ACO1: variants seen among roughly 807,000 people sequenced by gnomAD.
The protein encoded by ACO1 is aconitase 1, also known as cytoplasmic aconitate hydratase.
In ACO1, 78 loss-of-function variants were observed where a neutral mutation model predicts 105.1. The ratio of observed to expected loss-of-function variants is 0.74; its 90% CI spans 0.62 to 0.90. The LOEUF is 0.90. ACO1 is among the 40% of genes least tolerant of loss of function. ACO1 has a pLI of 0.00. For missense variants in ACO1, 965 were observed against 1,111.1 expected (o/e 0.87, Z 1.87); for synonymous variants, 364 against 397.4 (o/e 0.92, Z 1.00).
chr9:32,390,090 G>A (rs1298226462), intron 1 of ACO1, among the ~76,000 whole-genome samples: 3 of 152,288 alleles, frequency 2.0e-5, no homozygotes, highest in East Asian at 1.9e-4. Context: ...GAGCCACTGC[G>A]CCTGGCTCTT....
intron 4 of ACO1, among the ~76,000 whole-genome samples, chr9:32,416,468 C>A (rs924946398): frequency 1.3e-5 from 2 of 152,124 alleles, no homozygotes; most frequent in African/African-American, 4.8e-5. Context: ...GCCCATCTTG[C>A]TCGGGCTGAC....
At chr9:32,406,518 G>A (rs1821614514) in intron 2 of ACO1, among the ~76,000 whole-genome samples, 1 of 152,168 alleles carries the variant, frequency 6.6e-6, no homozygotes, top group South Asian at 2.1e-4. Context: ...TGGTATTTAG[G>A]AGGCTGAGGT....
chr9:32,414,137 A>G (rs773881058), intron 4 of ACO1, among the ~76,000 whole-genome samples: 4 of 152,196 alleles, frequency 2.6e-5, no homozygotes, highest in Non-Finnish European at 5.9e-5. Context: ...TGGGCGACAG[A>G]GTGAGACTCC....
chr9:32,393,039 A>G (rs1312345140), intron 1 of ACO1, among the ~76,000 whole-genome samples: 1 of 152,172 alleles, frequency 6.6e-6, no homozygotes, highest in Non-Finnish European at 1.5e-5. Flanking sequence ...TGTTAACTGC[A>G]CAAATTGTTT....
At chr9:32,422,604 G>C (rs1303603470) in intron 8 of ACO1, among the ~76,000 whole-genome samples, 2 of 152,156 alleles carry the variant, frequency 1.3e-5, no homozygotes, top group Non-Finnish European at 1.5e-5. Context: ...CCGGGATCTT[G>C]ATAAAAGTTA....
intron 12 of ACO1, among the ~76,000 whole-genome samples, chr9:32,428,702 G>T (rs1334328494): frequency 6.6e-6 from 1 of 152,094 alleles, no homozygotes; most frequent in Non-Finnish European, 1.5e-5. Flanking sequence ...AAATTAGCCG[G>T]GCGTGGTGGC....
chr9:32,440,524 G>T lies in ACO1; in HGVS notation c.2307G>T (p.Leu769=), dbSNP rs757476086. Residue 769 remains leucine (L), a synonymous_variant, in exon 19 of 21, where the codon CTG becomes CTT. Transcript: ENST00000309951. The part of the protein sequence containing the change: ...YQQAGLPLIV[L]AGKEYGAGSS... Reference sequence around the variant, plus strand: ...AGGCAGGCCTTCCCCTGATCGTTCTGGCTGGCAAAGAGTACGGTGCAGGCA... The same window carrying T: ...AGGCAGGCCTTCCCCTGATCGTTCTTGCTGGCAAAGAGTACGGTGCAGGCA... 1.9e-6 allele frequency: 3 copies of T among 1,614,026 alleles called. No individual in the cohort carries two copies. The highest frequency in any genetic ancestry group is 2.2e-5 in the South Asian group (2 of 91,072).
At chr9:32,427,097 T>A (rs1822116329) in intron 11 of ACO1, among the ~76,000 whole-genome samples, 1 of 152,222 alleles carries the variant, frequency 6.6e-6, no homozygotes. Context: ...TTGAGTTTAC[T>A]GCATATATCT....
intron 1 of ACO1, among the ~76,000 whole-genome samples, chr9:32,395,131 C>CT (rs1443067736): frequency 3.1e-4 from 47 of 152,174 alleles, no homozygotes; most frequent in Admixed American, 2.7e-3. Flanking sequence ...CTTTGTAATA[C>CT]TTTTTTTTGA....
chr9:32,395,966 G>T (rs1821364700), intron 1 of ACO1, among the ~76,000 whole-genome samples: 1 of 152,226 alleles, frequency 6.6e-6, no homozygotes, highest in South Asian at 2.1e-4. Flanking sequence ...CCCAGAACTA[G>T]GGGAGCCCTC....
At chr9:32,447,416 AG>A (rs1464209014) in intron 19 of ACO1, among the ~76,000 whole-genome samples, 2 of 139,592 alleles carry the variant, frequency 1.4e-5, no homozygotes, top group African/African-American at 6.7e-5. Context: ...CAGCTCTATC[AG>A]GTCATTTATG....
At chr9:32,444,994 A>G (rs1010468372) in intron 19 of ACO1, among the ~76,000 whole-genome samples, 1 of 152,084 alleles carries the variant, frequency 6.6e-6, no homozygotes, top group African/African-American at 2.4e-5. Flanking sequence ...AAGCTTTTTG[A>G]TATGCTGCTG....
intron 15 of ACO1, 112 bp downstream of exon 15, chr9:32,431,955 C>T: frequency 1.6e-6 from 2 of 1,254,672 alleles, no homozygotes; most frequent in Non-Finnish European, 2.1e-6. Flanking sequence ...TATAAAGTAA[C>T]ATTTATTTCT....
chr9:32,448,942 G>C lies in ACO1; in HGVS notation c.2417G>C (p.Ser806Thr), dbSNP rs758417852. 4 of 1,614,262 alleles carry C rather than the reference G, an allele frequency of 2.5e-6. No homozygotes were observed. In the Admixed American group the frequency reaches 6.7e-5, roughly 27 times the overall value. ...GAGAGCTACGAGCGCATTCACCGCA[G>C]TAACCTGGTTGGGATGGGTGTGATC... ...LAESYERIHR[S>T]NLVGMGVIPL... Residue 806 changes from serine (S) to threonine (T), a missense_variant, in exon 20 of 21, where the codon AGT becomes ACT. Physicochemically the swap from Ser to Thr is moderately conservative, Grantham distance 58. Transcript: ENST00000309951.
chr9:32,421,075 G>A, intron 8 of ACO1, 48 bp downstream of exon 8: 1 of 1,582,000 alleles, frequency 6.3e-7, no homozygotes, highest in Non-Finnish European at 8.7e-7. Context: ...AAAGTTCCAT[G>A]AAACACCAAG....
chr9:32,408,812 G>T (rs947456726), intron 4 of ACO1, among the ~76,000 whole-genome samples, 161 bp downstream of exon 4: 2 of 152,136 alleles, frequency 1.3e-5, no homozygotes, highest in African/African-American at 4.8e-5. Flanking sequence ...GATGTTTTAG[G>T]GGGAAGAGTG....
At chr9:32,388,309 G>A (rs28667096) in intron 1 of ACO1, among the ~76,000 whole-genome samples, 4 of 152,192 alleles carry the variant, frequency 2.6e-5, no homozygotes, top group Non-Finnish European at 4.4e-5. Flanking sequence ...AGTCCAGATC[G>A]CTTGAGCCCA....
At position 32,451,136 on chromosome 9, in the gene ACO1, C is replaced by T. The variant is rs560289003; in HGVS notation, c.*1025C>T. On this transcript the variant is annotated 3_prime_UTR_variant, in exon 21 of 21. Coordinates refer to ENST00000309951, the MANE Select transcript of ACO1 (RefSeq NM_002197.3). ...AAACCAATTATCTGCTCATTTTTAC[C>T]CCTGTAGTCATTTCTGGGCATGCCT... 6.6e-6 allele frequency: 1 copy of T among 152,100 alleles called. No individual in the cohort carries two copies. Among genetic ancestry groups the T allele is most frequent in the East Asian group, 1.9e-4 (1 of 5,168 alleles). 9.4% of individuals were successfully genotyped at this position (152,100 alleles called of 1,614,324 possible).
In ACO1 at chr9:32,418,373, T is replaced by C; in HGVS notation, c.520T>C (p.Ser174Pro). ...CAACATGCGGATTATTCCCCCTGGC[T>C]CAGGAATCATCCACCAGGTGAATTT... ...FHNMRIIPPG[S>P]GIIHQVNLEY... Residue 174 changes from serine to proline, a missense_variant, in exon 6 of 21, where the codon TCA (serine) becomes CCA (proline). Coordinates refer to ENST00000309951, the MANE Select transcript of ACO1 (RefSeq NM_002197.3). 1 of 1,614,196 alleles carries C rather than the reference T, an allele frequency of 6.2e-7. No homozygotes were observed. Among genetic ancestry groups the C allele is most frequent in the Non-Finnish European group, 8.5e-7 (1 of 1,180,024 alleles).
Sources: allele counts gnomAD v4.1 joint callset (sites outside exome capture counted in the v4.1 genomes callset), GRCh38; gene constraint gnomAD v4.1.1; transcripts MANE v1.5; gene names NCBI Gene and HGNC (gene_info 2026-07-23, HGNC 2026-07-21).